The following HSPA14 variants were observed in gnomAD, a reference collection of about 807,000 sequenced individuals.
The protein encoded by HSPA14 is heat shock protein family A (Hsp70) member 14.
Under a neutral mutation model 65.5 loss-of-function variants are expected in HSPA14, and 37 were observed. That is an observed-to-expected ratio of 0.56 (90% CI 0.43 to 0.74). The LOEUF (loss-of-function observed/expected upper bound fraction) is 0.74, where lower values mean the gene tolerates loss of function less well. Ranked by LOEUF, HSPA14 falls within the 30% of genes least tolerant of loss-of-function variation. The pLI is 0.00. For synonymous variants in HSPA14, 203 were observed against 214.2 expected (o/e 0.95, Z 0.46); for missense variants, 564 against 607.6 (o/e 0.93, Z 0.75).
intron 1 of HSPA14, chr10:14,838,674 G>C: frequency 1.9e-6 from 1 of 521,124 alleles, no homozygotes; most frequent in East Asian, 3.4e-5. Flanking sequence ...GGAGGCTCGC[G>C]GCGATGTAGA....
intron 11 of HSPA14, among the ~76,000 whole-genome samples, 179 bp downstream of exon 11, chr10:14,867,474 C>T (rs1056382578): frequency 1.3e-5 from 2 of 152,026 alleles, no homozygotes; most frequent in Non-Finnish European, 2.9e-5. Context: ...GTCTTATATT[C>T]TTTTAGTTAA....
chr10:14,870,668 G>A lies in HSPA14; in HGVS notation c.1451+1G>A, dbSNP rs773728500. 2 of 1,557,872 alleles carry A rather than the reference G, an allele frequency of 1.3e-6. No individual in the cohort carries two copies. Among genetic ancestry groups the A allele is most frequent in the South Asian group, 1.2e-5 (1 of 83,994 alleles). On this transcript the variant is annotated splice_donor_variant, in intron 13 of 13. Transcript: ENST00000378372. LOFTEE classifies it high-confidence loss of function. ...TATTAGCTGTTCTTACTATGAAAAGGTAAAAAATTAAACTTCTGTTGTTAA... is the reference window on the plus strand; with the variant it reads ...TATTAGCTGTTCTTACTATGAAAAGATAAAAAATTAAACTTCTGTTGTTAA...
Position 14,854,155 on chromosome 10 carries a change from G to A in HSPA14, c.765G>A (p.Ala255=), listed in dbSNP as rs559179634. 1.8e-5 allele frequency: 29 copies of A among 1,608,360 alleles called. No individual in the cohort carries two copies. The highest frequency in any genetic ancestry group is 1.3e-4 in the East Asian group (6 of 44,798). The stretch of plus-strand genomic sequence containing the variant: ...TCAAACATGATGTGAGAGGAAATGC[G>A]CGAGCCATGATGAAATTAACGAACA... ...RSFKHDVRGN[A]RAMMKLTNSA... The change falls in exon 9 of 14, where the codon GCG becomes GCA. Residue 255 remains alanine, a synonymous_variant. Coordinates refer to ENST00000378372, the MANE Select transcript of HSPA14 (RefSeq NM_016299.4).
intron 3 of HSPA14, chr10:14,846,038 T>C (rs1588808844): frequency 1.9e-5 from 18 of 961,766 alleles, no homozygotes; most frequent in Non-Finnish European, 2.2e-5. Context: ...GAAATACTGG[T>C]AACAATTTTA....
chr10:14,840,000 A>AT lies in HSPA14; in HGVS notation c.138+20dup. On this transcript the variant is annotated intron_variant, in intron 2 of 13. Transcript: ENST00000378372. The stretch of plus-strand genomic sequence containing the variant: ...AAAATGAAGAGGTACTAGTCCCCCC[A>AT]TTTTTGTACTTCTGAAATAATTTAA... The AT allele has an allele frequency of 6.3e-7, 1 of 1,585,166 alleles. No individual in the cohort carries two copies. The highest frequency in any genetic ancestry group is 8.6e-7 in the Non-Finnish European group (1 of 1,159,346).
At chr10:14,845,905 A>T in intron 3 of HSPA14, 1 of 544,522 alleles carries the variant, frequency 1.8e-6, no homozygotes, top group Non-Finnish European at 2.3e-6. Context: ...AGGGATTTGT[A>T]TTAGATTTTT....
intron 9 of HSPA14, among the ~76,000 whole-genome samples, chr10:14,854,783 CT>C (rs531063783): frequency 1.5e-3 from 222 of 152,274 alleles, no homozygotes; most frequent in African/African-American, 5.1e-3. Flanking sequence ...CATGAAGACT[CT>C]AGATCTGCAC....
intron 5 of HSPA14, 129 bp from the exon 6 acceptor site, chr10:14,849,592 G>A (rs1266061786): frequency 1.3e-6 from 1 of 746,614 alleles, no homozygotes; most frequent in Non-Finnish European, 2.4e-6. Context: ...TTGACACGGG[G>A]GCGGGGTGGG....
At chr10:14,869,227 G>A (rs1345863780) in intron 12 of HSPA14, among the ~76,000 whole-genome samples, 2 of 136,976 alleles carry the variant, frequency 1.5e-5, no homozygotes, top group African/African-American at 3.0e-5. Flanking sequence ...GTGTGTGTAC[G>A]TGTACGTGTG....
chr10:14,869,269 A>G (rs1451698035), intron 12 of HSPA14, among the ~76,000 whole-genome samples: 1 of 148,208 alleles, frequency 6.7e-6, no homozygotes, highest in African/African-American at 2.6e-5. Context: ...GTGTGTAAAG[A>G]GATACATATC....
rs866355401 is a variant in HSPA14, at chr10:14,838,407, C to T, written c.5C>T (p.Ala2Val). The T allele has an allele frequency of 6.9e-6, 11 of 1,603,856 alleles. No homozygotes were observed. Among genetic ancestry groups the T allele is most frequent in the Non-Finnish European group, 9.3e-6 (11 of 1,177,506 alleles). The change falls in exon 1 of 14, where the codon GCG becomes GTG. Residue 2 changes from alanine to valine, a missense_variant. Ala to Val is a moderately conservative substitution (Grantham distance 64). Transcript: ENST00000378372. M[A>V]AIGVHLGCTS... ...CGCTGCCGTCCCTGCTGCCTCATGG[C>T]GGCCATCGGAGTTCACCTGGGCTGC...
intron 3 of HSPA14, chr10:14,846,547 T>C: frequency 1.0e-6 from 1 of 985,352 alleles, no homozygotes; most frequent in Middle Eastern, 5.2e-4. Flanking sequence ...GCCAGGAATC[T>C]GCCTATGTGG....
Position 14,852,298 on chromosome 10 carries a change from TA to T in HSPA14, c.573-70del, listed in dbSNP as rs1834113898. On this transcript the variant is annotated intron_variant, in intron 7 of 13. Coordinates refer to ENST00000378372, the MANE Select transcript of HSPA14 (RefSeq NM_016299.4). ...CATTTGTAAATTAAAGGGATTAAAC[TA>T]AGTGACTTCTAATATCCAACTTAGT... 13 of 1,240,132 alleles carry T rather than the reference TA, an allele frequency of 1.0e-5. No individual in the cohort carries two copies. The South Asian group carries it at 1.8e-4, about 17-fold the overall frequency. The allele number at this position is 1,240,132 out of a possible 1,614,324, so 76.8% of individuals were successfully genotyped here. A position where few individuals can be genotyped will look rare whatever the true frequency, so the allele number is the denominator to read the frequency against.
intron 10 of HSPA14, among the ~76,000 whole-genome samples, chr10:14,860,362 C>T (rs58015625): frequency 0.064 from 9,779 of 152,070 alleles, 454 homozygotes; most frequent in South Asian, 0.21. Flanking sequence ...CTTCATAGAA[C>T]GAACAATATA....
chr10:14,865,823 T>C (rs1832802333), intron 10 of HSPA14, among the ~76,000 whole-genome samples: 1 of 152,214 alleles, frequency 6.6e-6, no homozygotes, highest in Non-Finnish European at 1.5e-5. Flanking sequence ...CATATGAACT[T>C]TACAGTAGTT....
intron 8 of HSPA14, among the ~76,000 whole-genome samples, chr10:14,853,083 C>T (rs886553287): frequency 6.8e-6 from 1 of 147,676 alleles, no homozygotes; most frequent in South Asian, 2.1e-4. Context: ...TACTGCTGCT[C>T]TAAAAAAAAA....
chr10:14,860,685 T>C (rs1042761876), intron 10 of HSPA14, among the ~76,000 whole-genome samples: 10 of 151,950 alleles, frequency 6.6e-5, no homozygotes, highest in African/African-American at 2.4e-4. Context: ...AGAGGTGAGC[T>C]TGGCAAGGAA....
chr10:14,847,584 A>G (rs1399363742), intron 3 of HSPA14, among the ~76,000 whole-genome samples: 1 of 152,190 alleles, frequency 6.6e-6, no homozygotes, highest in Admixed American at 6.5e-5. Context: ...AAGTATGAGG[A>G]ACCTGCAAGT....
At position 14,867,720 on chromosome 10, in the gene HSPA14, G is replaced by T. The variant is rs1184087197; in HGVS notation, c.1207-16G>T. On this transcript the variant is annotated splice_polypyrimidine_tract_variant and intron_variant, in intron 11 of 13. Transcript: ENST00000378372. Reference sequence around the variant, plus strand: ...ATAAATACCAAAGAGTATGCACCTTGTTTCCTGCTAACTAGGGTGTGGACG... The same window carrying T: ...ATAAATACCAAAGAGTATGCACCTTTTTTCCTGCTAACTAGGGTGTGGACG... The T allele has an allele frequency of 6.2e-7, 1 of 1,605,718 alleles. No homozygotes were observed. The highest frequency in any genetic ancestry group is 8.5e-7 in the Non-Finnish European group (1 of 1,177,222).
Sources: gnomAD v4.1 joint callset for allele counts (sites outside exome capture counted in the v4.1 genomes callset) on GRCh38, gnomAD v4.1.1 for gene constraint, MANE v1.5 for transcripts, NCBI Gene and HGNC (gene_info 2026-07-23, HGNC 2026-07-21) for gene names.